Variants in FOXP2 observed in about 807,000 individuals in gnomAD.
FOXP2 encodes the protein forkhead box protein P2.
A neutral mutation model predicts 115.8 loss-of-function variants in FOXP2; 12 were observed. The observed-to-expected ratio is 0.10, with a 90% confidence interval of 0.07 to 0.17. FOXP2 has a LOEUF of 0.17. Ranked by LOEUF, FOXP2 falls within the 10% of genes least tolerant of loss-of-function variation. FOXP2 has a pLI of 1.00. For missense variants in FOXP2, 629 were observed against 843.5 expected, an observed-to-expected ratio of 0.75 and a Z score of 3.15; for synonymous variants, 328 against 297.7, an observed-to-expected ratio of 1.10 and a Z score of -1.05.
At chr7:114,180,722 A>G (rs1007703301) in intron 1 of FOXP2, among the ~76,000 whole-genome samples, 4 of 151,738 alleles carry the variant, frequency 2.6e-5, no homozygotes, top group South Asian at 2.1e-4. Context: ...TCTCATCTTC[A>G]CTGTAAAATG....
At chr7:114,219,386 C>A (rs139971946) in intron 1 of FOXP2, among the ~76,000 whole-genome samples, 103 of 152,182 alleles carry the variant, frequency 6.8e-4, no homozygotes, top group Non-Finnish European at 1.2e-3. Flanking sequence ...AATATATGAT[C>A]TTTACCTTTT....
At chr7:114,202,943 A>C (rs1830282) in intron 1 of FOXP2, among the ~76,000 whole-genome samples, 129,843 of 152,096 alleles carry the variant, frequency 0.85, 56,155 homozygotes, top group Admixed American at 0.93. Context: ...TGGCTACTAA[A>C]AAATGTTTTC....
chr7:114,430,043 C>T (rs1197702070), intron 2 of FOXP2, among the ~76,000 whole-genome samples: 1 of 151,636 alleles, frequency 6.6e-6, no homozygotes, highest in Non-Finnish European at 1.5e-5. Context: ...TTAAGTCCAG[C>T]TGGTCTCATT....
At chr7:114,198,327 C>A (rs571869432) in intron 1 of FOXP2, among the ~76,000 whole-genome samples, 14 of 152,248 alleles carry the variant, frequency 9.2e-5, no homozygotes, top group African/African-American at 3.1e-4. Flanking sequence ...ATCATTGAGA[C>A]CATTTTCTAC....
chr7:114,101,544 A>C (rs536287702), intron 1 of FOXP2, among the ~76,000 whole-genome samples: 1 of 152,240 alleles, frequency 6.6e-6, no homozygotes, highest in Non-Finnish European at 1.5e-5. Flanking sequence ...TAACATGTCT[A>C]TGGCAGGTTT....
At chr7:114,294,765 C>A (rs928317883) in intron 2 of FOXP2, among the ~76,000 whole-genome samples, 2 of 151,852 alleles carry the variant, frequency 1.3e-5, no homozygotes, top group African/African-American at 2.4e-5. Context: ...CACTTGAACC[C>A]GGGAGGCGGA....
chr7:114,145,139 A>C (rs1424494535), intron 1 of FOXP2, among the ~76,000 whole-genome samples: 1 of 152,134 alleles, frequency 6.6e-6, no homozygotes, highest in Non-Finnish European at 1.5e-5. Context: ...AAGCCCTCTA[A>C]ATTTATTTTT....
At chr7:114,173,049 T>C (rs564565189) in intron 1 of FOXP2, among the ~76,000 whole-genome samples, 2 of 152,058 alleles carry the variant, frequency 1.3e-5, no homozygotes, top group Non-Finnish European at 2.9e-5. Context: ...AATGAAAATA[T>C]AGATATATAT....
intron 2 of FOXP2, among the ~76,000 whole-genome samples, chr7:114,356,623 T>C (rs1584662373): frequency 2.0e-5 from 3 of 152,252 alleles, no homozygotes; most frequent in East Asian, 3.9e-4. Flanking sequence ...CAAGGAAAGA[T>C]TTGTGAATAC....
At chr7:114,256,648 G>T (rs1405589281) in intron 1 of FOXP2, among the ~76,000 whole-genome samples, 2 of 152,130 alleles carry the variant, frequency 1.3e-5, no homozygotes, top group Admixed American at 6.5e-5. Context: ...CCATTCTGTG[G>T]GTTAGCTGTT....
chr7:114,592,347 T>C (rs778771804), intron 3 of FOXP2, among the ~76,000 whole-genome samples: 1 of 152,068 alleles, frequency 6.6e-6, no homozygotes, highest in Non-Finnish European at 1.5e-5. Flanking sequence ...TAGAGTAGTA[T>C]GTTGTGTCCC....
intron 1 of FOXP2, among the ~76,000 whole-genome samples, chr7:114,178,677 A>G (rs971465021): frequency 1.3e-5 from 2 of 151,932 alleles, no homozygotes; most frequent in Admixed American, 6.6e-5. Context: ...CAAATTTGAC[A>G]CTATTAGTAA....
chr7:114,380,267 G>T (rs1419939935), intron 2 of FOXP2, among the ~76,000 whole-genome samples: 1 of 152,140 alleles, frequency 6.6e-6, no homozygotes, highest in African/African-American at 2.4e-5. Flanking sequence ...ACATTGCTGC[G>T]TGGGCATGGA....
chr7:114,548,405 A>G (rs1290263357), intron 3 of FOXP2, among the ~76,000 whole-genome samples: 1 of 152,194 alleles, frequency 6.6e-6, no homozygotes, highest in African/African-American at 2.4e-5. Flanking sequence ...AGAAAAATAG[A>G]AGGATGAATT....
chr7:114,596,626 G>T (rs907614659), intron 3 of FOXP2, among the ~76,000 whole-genome samples: 1 of 151,996 alleles, frequency 6.6e-6, no homozygotes, highest in Non-Finnish European at 1.5e-5. Context: ...GTGACCAAAG[G>T]TGCACATGTA....
chr7:114,194,074 T>C (rs946484785), intron 1 of FOXP2, among the ~76,000 whole-genome samples: 1 of 152,070 alleles, frequency 6.6e-6, no homozygotes, highest in African/African-American at 2.4e-5. Flanking sequence ...AAAGACTGAT[T>C]TTTCTTCTTA....
At chr7:114,226,682 C>T (rs1280597215) in intron 1 of FOXP2, among the ~76,000 whole-genome samples, 1 of 152,022 alleles carries the variant, frequency 6.6e-6, no homozygotes, top group African/African-American at 2.4e-5. Flanking sequence ...GAAAGTTTCC[C>T]ATTTTATTAT....
chr7:114,189,829 T>C (rs1793710401), intron 1 of FOXP2, among the ~76,000 whole-genome samples: 1 of 152,204 alleles, frequency 6.6e-6, no homozygotes, highest in African/African-American at 2.4e-5. Flanking sequence ...TATTCTTTTT[T>C]CCTCATTTCA....
At chr7:114,353,328 G>T (rs1791538468) in intron 2 of FOXP2, among the ~76,000 whole-genome samples, 1 of 136,654 alleles carries the variant, frequency 7.3e-6, no homozygotes, top group African/African-American at 2.7e-5. Flanking sequence ...ATCTGTATAG[G>T]AGCCTCTTTT....
Sources: gnomAD v4.1 joint callset for allele counts (sites outside exome capture counted in the v4.1 genomes callset) on GRCh38, gnomAD v4.1.1 for gene constraint, MANE v1.5 for transcripts, NCBI Gene and HGNC (gene_info 2026-07-23, HGNC 2026-07-21) for gene names.